The following RERE variants were observed in gnomAD, a reference collection of about 807,000 sequenced individuals.
RERE encodes arginine-glutamic acid dipeptide repeats, also known as arginine-glutamic acid dipeptide repeats protein.
In RERE, 40 loss-of-function variants were observed where a neutral mutation model predicts 146.1. The ratio of observed to expected loss-of-function variants is 0.27; its 90% CI spans 0.21 to 0.36. The LOEUF is 0.36. Among genes scored for constraint, RERE ranks in the 10% least tolerant of loss-of-function variants. The pLI is 1.00. For missense variants in RERE, 1,933 were observed against 2,138.7 expected (o/e 0.90, Z 1.90); for synonymous variants, 1,003 against 866.0 (o/e 1.16, Z -2.78).
In RERE at chr1:8,707,589, G is replaced by C. The variant is rs568236486; in HGVS notation, c.-144-51148C>G. Among the ~76,000 whole-genome samples, 3 of 152,194 alleles carry C rather than the reference G, an allele frequency of 2.0e-5. No homozygotes were observed. In the Middle Eastern group the frequency reaches 0.01, roughly 518 times the overall value. ...CACTCATTTAATAACACTAATAAGT[G>C]TCAAAATTCTAACTATCAAGTTACC... On this transcript the variant is annotated intron_variant, in intron 1 of 22. Coordinates refer to ENST00000400908, the MANE Select transcript of RERE (RefSeq NM_001042681.2).
chr1:8,694,442 G>A (rs997629188), intron 1 of RERE, among the ~76,000 whole-genome samples: 6 of 152,148 alleles, frequency 3.9e-5, no homozygotes, highest in Non-Finnish European at 7.4e-5. Context: ...TCTCTGCAAA[G>A]AGAACTAAAA....
intron 1 of RERE, chr1:8,805,851 T>A (rs1641682045): frequency 7.0e-6 from 1 of 143,824 alleles, no homozygotes; most frequent in Admixed American, 6.9e-5. Flanking sequence ...CTTCTTTTTT[T>A]TTTTTTTTTT....
chr1:8,774,778 A>G (rs80326993), intron 1 of RERE, among the ~76,000 whole-genome samples: 1 of 152,240 alleles, frequency 6.6e-6, no homozygotes, highest in East Asian at 1.9e-4. Context: ...CTTCTCAAGG[A>G]CATAAACATA....
intron 1 of RERE, among the ~76,000 whole-genome samples, chr1:8,768,796 A>T (rs939154521): frequency 1.3e-5 from 2 of 152,190 alleles, no homozygotes; most frequent in Non-Finnish European, 2.9e-5. Context: ...TCATAATACA[A>T]GAGCTCTAAA....
At chr1:8,747,141 A>C (rs1174816204) in intron 1 of RERE, among the ~76,000 whole-genome samples, 2 of 151,992 alleles carry the variant, frequency 1.3e-5, no homozygotes, top group Non-Finnish European at 2.9e-5. Flanking sequence ...AGCTGGGACT[A>C]CAGGGGCCCA....
At chr1:8,405,172 G>A (rs538486904) in intron 12 of RERE, among the ~76,000 whole-genome samples, 13 of 152,222 alleles carry the variant, frequency 8.5e-5, no homozygotes, top group African/African-American at 3.1e-4. Flanking sequence ...TGCTGGTAGC[G>A]GTATGCCAAT....
chr1:8,648,906 A>G (rs2124311141), intron 2 of RERE, among the ~76,000 whole-genome samples: 1 of 152,234 alleles, frequency 6.6e-6, no homozygotes, highest in East Asian at 1.9e-4. Context: ...AAAAATTAAT[A>G]CATACTTTTG....
intron 11 of RERE, chr1:8,465,263 C>A (rs943899507): frequency 1.3e-5 from 2 of 156,816 alleles, no homozygotes; most frequent in Non-Finnish European, 2.8e-5. Context: ...TCTCTCCCCC[C>A]ACTTCCTTCA....
At chr1:8,507,880 T>C (rs912338214) in intron 8 of RERE, among the ~76,000 whole-genome samples, 1 of 150,864 alleles carries the variant, frequency 6.6e-6, no homozygotes, top group Non-Finnish European at 1.5e-5. Context: ...GCTGGGATTA[T>C]AGGCGCCTGC....
chr1:8,427,168 C>G (rs1029264327), intron 11 of RERE, among the ~76,000 whole-genome samples: 4 of 152,110 alleles, frequency 2.6e-5, no homozygotes, highest in African/African-American at 9.7e-5. Context: ...GTGAAACCAA[C>G]CATGAGATGC....
chr1:8,425,339 C>G (rs1643996393), intron 11 of RERE: 2 of 152,266 alleles, frequency 1.3e-5, no homozygotes, highest in Non-Finnish European at 2.9e-5. Flanking sequence ...TGTGTGAAGT[C>G]ATTACAGAAC....
In RERE at chr1:8,489,183, GAAAC is replaced by G. The variant is rs899299532; in HGVS notation, c.1104+5876_1104+5879del. 2.7e-3 allele frequency among the ~76,000 whole-genome samples: 417 copies of G among 151,824 alleles called. 3 individuals carry two copies. The highest frequency in any genetic ancestry group is 9.5e-3 in the African/African-American group (395 of 41,418). ...ACATAGTGAGGCCCTGTCACTAGAA[GAAAC>G]AAACAAACAAACAAAAACTCTAAAA... On this transcript the variant is annotated intron_variant, in intron 10 of 22. Transcript: ENST00000400908.
At chr1:8,432,016 C>T (rs1644102051) in intron 11 of RERE, among the ~76,000 whole-genome samples, 1 of 152,184 alleles carries the variant, frequency 6.6e-6, no homozygotes, top group African/African-American at 2.4e-5. Flanking sequence ...AACTACAGGG[C>T]CACGTCATGC....
intron 1 of RERE, among the ~76,000 whole-genome samples, chr1:8,709,522 A>G (rs1312180324): frequency 6.6e-6 from 1 of 152,214 alleles, no homozygotes; most frequent in East Asian, 1.9e-4. Flanking sequence ...ATAGGTACAA[A>G]AGCATGCACA....
Position 8,364,871 on chromosome 1 carries a change from G to A in RERE, c.1448-33C>T. On this transcript the variant is annotated intron_variant, in intron 13 of 22. Coordinates refer to ENST00000400908, the MANE Select transcript of RERE (RefSeq NM_001042681.2). This position sits in a 1 kb window ranked among gnomAD's most constrained non-coding sequence, Gnocchi z 5.1. ...TGGCAGGCACATAGTGGGGGTGGGGGAGACACCATCATGCTCAGCCAAGGC... is the reference window on the plus strand; with the variant it reads ...TGGCAGGCACATAGTGGGGGTGGGGAAGACACCATCATGCTCAGCCAAGGC... 1.8e-6 allele frequency: 2 copies of A among 1,101,712 alleles called. No homozygotes were observed. The highest frequency in any genetic ancestry group is 1.2e-5 in the South Asian group (1 of 82,056). The allele number at this position is 1,101,712 out of a possible 1,614,324, so 68.2% of individuals were successfully genotyped here. A position where few individuals can be genotyped will look rare whatever the true frequency, so the allele number is the denominator to read the frequency against.
At chr1:8,566,792 AT>A (rs35714721) in intron 4 of RERE, among the ~76,000 whole-genome samples, 104,164 of 137,644 alleles carry the variant, frequency 0.76, 39,407 homozygotes, top group East Asian at 0.93. Flanking sequence ...TGGAATAGTA[AT>A]TTTTTTTTTT....
chr1:8,558,341 A>T (rs1244609538), intron 4 of RERE, among the ~76,000 whole-genome samples: 1 of 152,200 alleles, frequency 6.6e-6, no homozygotes, highest in Non-Finnish European at 1.5e-5. Context: ...TGCAGCTTGC[A>T]AAAGATCATC....
chr1:8,789,323 T>C (rs1049118968), intron 1 of RERE, among the ~76,000 whole-genome samples: 2 of 121,406 alleles, frequency 1.6e-5, no homozygotes, highest in Admixed American at 1.8e-4. Context: ...TATATATATA[T>C]ATGAGAGATA....
chr1:8,604,618 G>GATGAAGGA (rs1557429008), intron 4 of RERE, among the ~76,000 whole-genome samples: 1 of 66,066 alleles, frequency 1.5e-5, no homozygotes, highest in East Asian at 5.5e-4. Flanking sequence ...GGGAGGGAGG[G>GATGAAGGA]AGGGAGGAAG....
Sources: allele counts gnomAD v4.1 joint callset (sites outside exome capture counted in the v4.1 genomes callset), GRCh38; gene constraint gnomAD v4.1.1; non-coding constraint Gnocchi (gnomAD v3.1); transcripts MANE v1.5; gene names NCBI Gene and HGNC (gene_info 2026-07-23, HGNC 2026-07-21).